The following ARHGAP35 variants were observed in gnomAD, a reference collection of about 807,000 sequenced individuals.
The protein encoded by ARHGAP35 is rho GTPase-activating protein 35.
Under a neutral mutation model 111.1 loss-of-function variants are expected in ARHGAP35, and 15 were observed. The ratio of observed to expected loss-of-function variants is 0.13; its 90% CI spans 0.09 to 0.21. The LOEUF is 0.21. Among genes scored for constraint, ARHGAP35 ranks in the 10% least tolerant of loss-of-function variants. ARHGAP35 has a pLI of 1.00. For synonymous variants in ARHGAP35, 643 were observed against 710.3 expected, an observed-to-expected ratio of 0.91 and a Z score of 1.51; for missense variants, 1,262 against 1,873.0, an observed-to-expected ratio of 0.67 and a Z score of 6.02.
chr19:46,921,748 A>C lies in ARHGAP35; in HGVS notation c.3073A>C (p.Ile1025Leu). Residue 1025 changes from isoleucine to leucine, a missense_variant, in exon 2 of 7, where the codon ATT (isoleucine) becomes CTT (leucine). Transcript: ENST00000672722. The surrounding 1 kb of genome is among the most constrained non-coding windows in gnomAD (Gnocchi z 4.3). Reference sequence around the variant, plus strand: ...GGAGGGAAATGATGGGCTGTCTTTCATTATGAGCAATTTTGAGAGTAAACT... The same window carrying C: ...GGAGGGAAATGATGGGCTGTCTTTCCTTATGAGCAATTTTGAGAGTAAACT... Reference protein sequence around the residue: ...ELEGNDGLSFIMSNFESKLNN... With the variant: ...ELEGNDGLSFLMSNFESKLNN... 1 of 1,614,008 alleles carries C rather than the reference A, an allele frequency of 6.2e-7. No individual in the cohort carries two copies. The highest frequency in any genetic ancestry group is 8.5e-7 in the Non-Finnish European group (1 of 1,179,890).
intron 3 of ARHGAP35, among the ~76,000 whole-genome samples, chr19:46,939,298 C>T (rs116508170): frequency 4.6e-5 from 7 of 151,466 alleles, no homozygotes; most frequent in Non-Finnish European, 5.9e-5. Context: ...TTTTGACACT[C>T]GTTTTATATT....
At chr19:46,969,557 T>A (rs896555310) in intron 3 of ARHGAP35, among the ~76,000 whole-genome samples, 4 of 152,156 alleles carry the variant, frequency 2.6e-5, no homozygotes, top group Non-Finnish European at 5.9e-5. Flanking sequence ...ACAGCACTAG[T>A]GTCTTCGGTG....
Position 46,973,948 on chromosome 19 carries a change from A to T in ARHGAP35, c.3827-14041A>T, listed in dbSNP as rs890765077. 2.9e-4 allele frequency among the ~76,000 whole-genome samples: 44 copies of T among 151,724 alleles called. 1 individual carries two copies. Among genetic ancestry groups the T allele is most frequent in the Non-Finnish European group, 2.9e-4 (20 of 67,952 alleles). ...GAGGCGGAGGCTGCAGTGAGCCAAG[A>T]TTGCGCCACTGCACTCCAGCCTGGG... On this transcript the variant is annotated intron_variant, in intron 3 of 6. Coordinates refer to ENST00000672722, the MANE Select transcript of ARHGAP35 (RefSeq NM_004491.5).
chr19:46,887,513 G>GTAAGAAATTGAAATAGAA (rs2055998351), intron 1 of ARHGAP35, among the ~76,000 whole-genome samples: 3 of 152,186 alleles, frequency 2.0e-5, no homozygotes. Flanking sequence ...TTATTCCAGA[G>GTAAGAAATTGAAATAGAA]TAAGAAATTG....
In ARHGAP35 at chr19:46,999,943, G is replaced by A. The variant is rs763190661; in HGVS notation, c.4143-388G>A. On this transcript the variant is annotated intron_variant, in intron 6 of 6. Coordinates refer to ENST00000672722, the MANE Select transcript of ARHGAP35 (RefSeq NM_004491.5). The surrounding 1 kb of genome is among the most constrained non-coding windows in gnomAD (Gnocchi z 5.4). ...ATGGTTGTTCCCTGAAGTTCCATGTGTGTGGAGGAGATCTGCTGGCCGAGT... is the reference window on the plus strand; with the variant it reads ...ATGGTTGTTCCCTGAAGTTCCATGTATGTGGAGGAGATCTGCTGGCCGAGT... The A allele has an allele frequency of 7.8e-6, 2 of 257,012 alleles. No individual in the cohort carries two copies. The highest frequency in any genetic ancestry group is 2.2e-5 in the African/African-American group (1 of 44,996). The allele number at this position is 257,012 out of a possible 1,614,324, so 15.9% of individuals were successfully genotyped here.
At chr19:46,863,801 C>G (rs368230323) in intron 1 of ARHGAP35, among the ~76,000 whole-genome samples, 4 of 152,324 alleles carry the variant, frequency 2.6e-5, no homozygotes, top group African/African-American at 9.6e-5. Flanking sequence ...ATTGCCTTCC[C>G]TAATGGCCTC....
At chr19:46,939,514 A>G (rs932798645) in intron 3 of ARHGAP35, among the ~76,000 whole-genome samples, 2 of 151,886 alleles carry the variant, frequency 1.3e-5, no homozygotes, top group East Asian at 1.9e-4. Context: ...GGTTCAAGCA[A>G]TCCTCCCACC....
At chr19:46,930,219 C>G (rs563855191) in intron 2 of ARHGAP35, among the ~76,000 whole-genome samples, 66 of 151,884 alleles carry the variant, frequency 4.3e-4, no homozygotes, top group African/African-American at 1.6e-3. Context: ...ATTATCTGGG[C>G]GCGGTGGCAC....
intron 3 of ARHGAP35, among the ~76,000 whole-genome samples, chr19:46,950,601 G>A (rs2056406276): frequency 6.6e-6 from 1 of 152,248 alleles, no homozygotes; most frequent in Admixed American, 6.5e-5. Flanking sequence ...TTGTGGTGGT[G>A]TGTTTTTGTA....
At chr19:46,937,955 T>C (rs750516839) in intron 3 of ARHGAP35, among the ~76,000 whole-genome samples, 3 of 152,254 alleles carry the variant, frequency 2.0e-5, no homozygotes, top group Non-Finnish European at 4.4e-5. Context: ...GACAACTTGA[T>C]GCTATCACAA....
At chr19:46,977,000 G>A (rs1360283146) in intron 3 of ARHGAP35, among the ~76,000 whole-genome samples, 1 of 152,208 alleles carries the variant, frequency 6.6e-6, no homozygotes, top group Non-Finnish European at 1.5e-5. Context: ...ACCAAAGCCA[G>A]TGAAGCACAG....
At position 46,922,068 on chromosome 19, in the gene ARHGAP35, G is replaced by T. The variant is rs1439582502; in HGVS notation, c.3393G>T (p.Gly1131=). The change falls in exon 2 of 7, where the codon GGG becomes GGT. Residue 1131 remains glycine, a synonymous_variant. Transcript: ENST00000672722. The surrounding 1 kb of genome is among the most constrained non-coding windows in gnomAD (Gnocchi z 4.0). ...ACAAAGCCCAGTCCAACGGCAGCGG[G>T]AATGGTTCTGACAGTGAAATGGACA... ...NINKAQSNGS[G]NGSDSEMDTS... 2 of 1,613,932 alleles carry T rather than the reference G, an allele frequency of 1.2e-6. No individual in the cohort carries two copies. Among genetic ancestry groups the T allele is most frequent in the African/African-American group, 2.7e-5 (2 of 74,946 alleles).
chr19:46,870,709 TACC>T (rs1489107718), intron 1 of ARHGAP35, among the ~76,000 whole-genome samples: 2 of 152,214 alleles, frequency 1.3e-5, no homozygotes, highest in Admixed American at 6.5e-5. Flanking sequence ...TGTTGGCATG[TACC>T]TAGTAGTAGC....
At chr19:46,865,851 T>A (rs187608951) in intron 1 of ARHGAP35, among the ~76,000 whole-genome samples, 1 of 152,158 alleles carries the variant, frequency 6.6e-6, no homozygotes, top group Non-Finnish European at 1.5e-5. Context: ...TAATCGTGAC[T>A]TTTTTTGAGA....
Position 46,989,526 on chromosome 19 carries a change from C to A in ARHGAP35, c.3905-18C>A. The A allele has an allele frequency of 1.2e-6, 2 of 1,613,484 alleles. No homozygotes were observed. Among genetic ancestry groups the A allele is most frequent in the South Asian group, 1.1e-5 (1 of 91,004 alleles). ...TGGCTTAGAATGGTTTGGCCTCACT[C>A]TCCTGACTTCCTTTCAGACCACAAC... On this transcript the variant is annotated intron_variant, in intron 4 of 6. Transcript: ENST00000672722. The surrounding 1 kb of genome is among the most constrained non-coding windows in gnomAD (Gnocchi z 5.3).
At chr19:46,877,716 T>G (rs1269400547) in intron 1 of ARHGAP35, among the ~76,000 whole-genome samples, 2 of 152,112 alleles carry the variant, frequency 1.3e-5, no homozygotes, top group African/African-American at 4.8e-5. Flanking sequence ...TTAATTTTTT[T>G]TTTGGAGGGG....
chr19:46,878,315 G>A (rs921472889), intron 1 of ARHGAP35, among the ~76,000 whole-genome samples: 3 of 151,992 alleles, frequency 2.0e-5, no homozygotes, highest in South Asian at 2.1e-4. Context: ...GAGCCATCGC[G>A]CTTGGCCTAA....
At chr19:46,891,879 C>T (rs996739568) in intron 1 of ARHGAP35, among the ~76,000 whole-genome samples, 1 of 152,108 alleles carries the variant, frequency 6.6e-6, no homozygotes, top group Non-Finnish European at 1.5e-5. Flanking sequence ...CGATGGCTCA[C>T]GCCTTAATCC....
chr19:46,973,050 T>C, intron 3 of ARHGAP35, among the ~76,000 whole-genome samples: 1 of 152,260 alleles, frequency 6.6e-6, no homozygotes, highest in South Asian at 2.1e-4. Context: ...AATCTGTACA[T>C]TTTCTTTTCT....
Sources: allele counts gnomAD v4.1 joint callset (sites outside exome capture counted in the v4.1 genomes callset), GRCh38; gene constraint gnomAD v4.1.1; non-coding constraint Gnocchi (gnomAD v3.1); transcripts MANE v1.5; gene names NCBI Gene and HGNC (gene_info 2026-07-23, HGNC 2026-07-21).